Variants in NEK1 observed in about 807,000 individuals in gnomAD.
NEK1 encodes the protein NIMA related kinase 1.
A neutral mutation model predicts 182.1 loss-of-function variants in NEK1; 137 were observed. That is an observed-to-expected ratio of 0.75 (90% confidence interval 0.65 to 0.87). The LOEUF (loss-of-function observed/expected upper bound fraction) is 0.87. Among genes scored for constraint, NEK1 ranks in the 40% least tolerant of loss-of-function variants. NEK1 has a pLI of 0.00. For synonymous variants in NEK1, 513 were observed against 492.2 expected (o/e 1.04, Z -0.56); for missense variants, 1,391 against 1,494.4 (o/e 0.93, Z 1.14).
At chr4:169,549,315 G>A (rs796588723) in intron 18 of NEK1, among the ~76,000 whole-genome samples, 5 of 152,308 alleles carry the variant, frequency 3.3e-5, no homozygotes, top group African/African-American at 1.2e-4. Flanking sequence ...CCAATGAGAT[G>A]AACTGGGTAC....
intron 33 of NEK1, among the ~76,000 whole-genome samples, chr4:169,401,449 A>G (rs190498713): frequency 6.6e-6 from 1 of 152,292 alleles, no homozygotes. Context: ...ACATAATAGG[A>G]AAGAAATAAA....
chr4:169,485,137 T>C (rs1748804739), intron 23 of NEK1, among the ~76,000 whole-genome samples: 1 of 152,216 alleles, frequency 6.6e-6, no homozygotes, highest in Non-Finnish European at 1.5e-5. Context: ...ATAATAATGA[T>C]CTTCAGCAGC....
At chr4:169,406,048 G>A (rs923805351) in intron 32 of NEK1, among the ~76,000 whole-genome samples, 1 of 150,784 alleles carries the variant, frequency 6.6e-6, no homozygotes, top group Non-Finnish European at 1.5e-5. Context: ...CGTGAGCCAA[G>A]ATCATGCCAC....
intron 3 of NEK1, 142 bp downstream of exon 3, chr4:169,602,372 C>A: frequency 6.4e-6 from 4 of 626,608 alleles, no homozygotes; most frequent in South Asian, 2.1e-5. Context: ...AATATATAGG[C>A]TATTCTGATA....
chr4:169,503,604 G>C (rs1443899257), intron 23 of NEK1, among the ~76,000 whole-genome samples: 1 of 151,934 alleles, frequency 6.6e-6, no homozygotes, highest in African/African-American at 2.4e-5. Flanking sequence ...AATGTTCCAG[G>C]AATCTACGTT....
intron 5 of NEK1, among the ~76,000 whole-genome samples, chr4:169,591,147 C>G (rs1355109336): frequency 6.8e-6 from 1 of 146,696 alleles, no homozygotes; most frequent in African/African-American, 2.7e-5. Flanking sequence ...CTATAACGCC[C>G]CCCCCCCACT....
intron 23 of NEK1, among the ~76,000 whole-genome samples, chr4:169,496,015 C>T (rs903407032): frequency 6.6e-6 from 1 of 152,170 alleles, no homozygotes. Context: ...TTTCACGATA[C>T]TGATTCTTCC....
At chr4:169,530,876 GC>G (rs1266454805) in intron 19 of NEK1, among the ~76,000 whole-genome samples, 1 of 149,428 alleles carries the variant, frequency 6.7e-6, no homozygotes, top group East Asian at 2.0e-4. Context: ...AATAAAATAT[GC>G]AAAAAATGAG....
chr4:169,505,709 A>G (rs991647963), intron 23 of NEK1, among the ~76,000 whole-genome samples: 2 of 152,246 alleles, frequency 1.3e-5, no homozygotes, highest in Non-Finnish European at 2.9e-5. Flanking sequence ...ACTATGATGT[A>G]TATCACGACT....
chr4:169,534,914 G>GGCAGAATA (rs1358500164), intron 19 of NEK1, among the ~76,000 whole-genome samples: 2 of 152,154 alleles, frequency 1.3e-5, no homozygotes, highest in Non-Finnish European at 2.9e-5. Flanking sequence ...AGAATTAATA[G>GGCAGAATA]ATAAGGACAT....
At chr4:169,470,310 T>C (rs1579951466) in intron 26 of NEK1, among the ~76,000 whole-genome samples, 1 of 152,206 alleles carries the variant, frequency 6.6e-6, no homozygotes, top group East Asian at 1.9e-4. Flanking sequence ...TGAGCTCTTA[T>C]AAGGCAGGCC....
chr4:169,429,360 G>C (rs2058758331), intron 29 of NEK1, among the ~76,000 whole-genome samples: 1 of 152,202 alleles, frequency 6.6e-6, no homozygotes, highest in Middle Eastern at 3.4e-3. Flanking sequence ...CTGAAGAGTA[G>C]ATACCAAAAG....
At chr4:169,460,734 T>G (rs1471516306) in intron 27 of NEK1, among the ~76,000 whole-genome samples, 4 of 151,880 alleles carry the variant, frequency 2.6e-5, no homozygotes, top group Non-Finnish European at 5.9e-5. Context: ...GTAAAGAAAA[T>G]AAAACTGCCA....
chr4:169,544,518 T>C (rs1561383025), intron 18 of NEK1, among the ~76,000 whole-genome samples: 1 of 152,114 alleles, frequency 6.6e-6, no homozygotes, highest in African/African-American at 2.4e-5. Flanking sequence ...TTTTCTATTG[T>C]TTGCAATAGT....
In NEK1 at chr4:169,401,634, A is replaced by C; in HGVS notation, c.3583+18T>G. 6.2e-7 allele frequency: 1 copy of C among 1,608,302 alleles called. No homozygotes were observed. The highest frequency in any genetic ancestry group is 8.5e-7 in the Non-Finnish European group (1 of 1,175,594). Reference sequence around the variant, plus strand: ...TGTAAACTGAAAAAGAAAAAGGTCCAAAACTCTGATCATGCACCTGAGTGC... The same window carrying C: ...TGTAAACTGAAAAAGAAAAAGGTCCCAAACTCTGATCATGCACCTGAGTGC... On this transcript the variant is annotated intron_variant, in intron 33 of 35. Coordinates refer to ENST00000507142, the MANE Select transcript of NEK1 (RefSeq NM_001199397.3).
chr4:169,537,829 C>A lies in NEK1; in HGVS notation c.1645G>T (p.Ala549Ser). 6.2e-7 allele frequency: 1 copy of A among 1,612,898 alleles called. No individual in the cohort carries two copies. The highest frequency in any genetic ancestry group is 8.5e-7 in the Non-Finnish European group (1 of 1,179,210). Residue 549 changes from alanine (A) to serine (S), a missense_variant, in exon 19 of 36, where the codon GCT becomes TCT. Around this residue, in one of 5 missense-constraint regions of NEK1, gnomAD observed 1,216 missense variants for 1,277.6 expected, o/e 0.95. Coordinates refer to ENST00000507142, the MANE Select transcript of NEK1 (RefSeq NM_001199397.3). Reference protein sequence around the residue: ...QRKREAMQNKARAEGHMGILQ... With the variant: ...QRKREAMQNKSRAEGHMGILQ... ...CATACCATATGTCCTTCGGCTCGAG[C>A]TTTATTCTGCATAGCTTCCCGTTTT...
chr4:169,438,200 A>G lies in NEK1; in HGVS notation c.2647T>C (p.Cys883Arg), dbSNP rs141491586. ...GATGGGTTTATTTCATGTGAAATAC[A>G]TTGTACTTTTTTTTCTCCAGTAATT... ...PLITGEKKVQCISHEINPSAI... is the reference protein window; with the variant it reads ...PLITGEKKVQRISHEINPSAI... Residue 883 changes from cysteine (C) to arginine (R), a missense_variant, in exon 28 of 36, where the codon TGT (cysteine) becomes CGT (arginine). This residue lies in a region of NEK1 where 1,216 missense variants were observed against 1,277.6 expected (regional missense o/e 0.95). Coordinates refer to ENST00000507142, the MANE Select transcript of NEK1 (RefSeq NM_001199397.3). 136 of 1,586,630 alleles carry G rather than the reference A, an allele frequency of 8.6e-5. No homozygotes were observed. In the African/African-American group the frequency reaches 1.6e-3, roughly 18 times the overall value.
intron 19 of NEK1, among the ~76,000 whole-genome samples, chr4:169,511,182 A>G (rs572485817): frequency 2.0e-5 from 3 of 152,176 alleles, no homozygotes; most frequent in Non-Finnish European, 4.4e-5. Context: ...AGCATGCCCT[A>G]CCTTTTTTCT....
chr4:169,460,693 A>G (rs1034675380), intron 27 of NEK1, among the ~76,000 whole-genome samples: 2 of 152,198 alleles, frequency 1.3e-5, no homozygotes, highest in African/African-American at 2.4e-5. Context: ...TACTCTGAGC[A>G]TCCAAGCAAA....
Sources: allele counts gnomAD v4.1 joint callset (sites outside exome capture counted in the v4.1 genomes callset), GRCh38; gene constraint gnomAD v4.1.1; regional missense constraint gnomAD v4.1.1; transcripts MANE v1.5; gene names NCBI Gene and HGNC (gene_info 2026-07-23, HGNC 2026-07-21).